The following TRIM33 variants were observed in gnomAD, a reference collection of about 807,000 sequenced individuals.
TRIM33 encodes tripartite motif containing 33.
In TRIM33, 20 loss-of-function variants were observed where a neutral mutation model predicts 125.4. The ratio of observed to expected loss-of-function variants is 0.16; its 90% CI spans 0.11 to 0.23. The LOEUF (loss-of-function observed/expected upper bound fraction) is 0.23, where lower values mean the gene tolerates loss of function less well. TRIM33 is among the 10% of genes least tolerant of loss of function. TRIM33 has a pLI of 1.00. For synonymous variants in TRIM33, 564 were observed against 513.9 expected (o/e 1.10, Z -1.32); for missense variants, 920 against 1,411.4 (o/e 0.65, Z 5.58).
chr1:114,434,050 A>C (rs1648129259), intron 4 of TRIM33, among the ~76,000 whole-genome samples: 1 of 152,244 alleles, frequency 6.6e-6, no homozygotes, highest in Admixed American at 6.5e-5. Context: ...TTTAAATCAT[A>C]AAGCGTAACC....
At chr1:114,439,098 T>C (rs1441844663) in intron 4 of TRIM33, among the ~76,000 whole-genome samples, 2 of 152,220 alleles carry the variant, frequency 1.3e-5, no homozygotes, top group Non-Finnish European at 2.9e-5. Context: ...TCACCTGATA[T>C]TTCAATTACC....
At chr1:114,500,154 G>T (rs768613292) in intron 1 of TRIM33, among the ~76,000 whole-genome samples, 1 of 152,196 alleles carries the variant, frequency 6.6e-6, no homozygotes, top group Admixed American at 6.5e-5. Context: ...GCAACAAAGT[G>T]AGACTCTGTC....
chr1:114,438,764 A>G (rs1428833636), intron 4 of TRIM33, among the ~76,000 whole-genome samples: 2 of 152,238 alleles, frequency 1.3e-5, no homozygotes, highest in Admixed American at 1.3e-4. Context: ...CAAAACACAC[A>G]AAGCAAAGCA....
At chr1:114,428,237 G>A (rs1040748142) in intron 6 of TRIM33, among the ~76,000 whole-genome samples, 2 of 152,162 alleles carry the variant, frequency 1.3e-5, no homozygotes, top group Non-Finnish European at 2.9e-5. Context: ...ATAAATTTAT[G>A]TAATCTTAAT....
chr1:114,409,901 G>A (rs1222099100), intron 12 of TRIM33, among the ~76,000 whole-genome samples: 1 of 152,038 alleles, frequency 6.6e-6, no homozygotes, highest in Non-Finnish European at 1.5e-5. Context: ...GAGAAGAGAA[G>A]ACGGAGCCCT....
chr1:114,413,573 AGAAAAG>A (rs1652726186), intron 11 of TRIM33, among the ~76,000 whole-genome samples: 2 of 121,406 alleles, frequency 1.6e-5, no homozygotes, highest in African/African-American at 3.4e-5. Flanking sequence ...AAAAAAAAAA[AGAAAAG>A]AAAAGAAAAA....
intron 4 of TRIM33, chr1:114,460,148 A>G: frequency 5.7e-6 from 1 of 174,304 alleles, no homozygotes; most frequent in Non-Finnish European, 1.3e-5. Flanking sequence ...AATTTAGTCG[A>G]AGTTTGAAAT....
In TRIM33 at chr1:114,428,271, TTG is replaced by T. The variant is rs374450918; in HGVS notation, c.1156-379_1156-378del. ...ATATACTTTAAAGGCCAAAAAAATT[TTG>T]TGTCACCAGTGCCACCTCCTGGTAT... On this transcript the variant is annotated intron_variant, in intron 6 of 19. Coordinates refer to ENST00000358465, the MANE Select transcript of TRIM33 (RefSeq NM_015906.4). Among the ~76,000 whole-genome samples the T allele has an allele frequency of 1.6e-4, 24 of 152,332 alleles. 1 individual carries two copies. Among genetic ancestry groups the T allele is most frequent in the Middle Eastern group, 3.4e-3 (1 of 294 alleles).
chr1:114,498,126 C>CAAAA lies in TRIM33; in HGVS notation c.526+12421_526+12424dup, dbSNP rs71090785. 1.5e-3 allele frequency among the ~76,000 whole-genome samples: 113 copies of CAAAA among 74,078 alleles called. 2 individuals carry two copies. In the Middle Eastern group the frequency reaches 0.022, roughly 14 times the overall value. 48.6% of individuals were successfully genotyped at this position (74,078 alleles called of 152,430 possible). ...TGGGCGACAGACTGAGACTCTGTCTCAAAAAAAAAAAAAAAAAAAAGTTAT... is the reference window on the plus strand; with the variant it reads ...TGGGCGACAGACTGAGACTCTGTCTCAAAAAAAAAAAAAAAAAAAAAAAAGTTAT... On this transcript the variant is annotated intron_variant, in intron 1 of 19. Coordinates refer to ENST00000358465, the MANE Select transcript of TRIM33 (RefSeq NM_015906.4).
intron 11 of TRIM33, among the ~76,000 whole-genome samples, chr1:114,417,079 A>T (rs1420066521): frequency 6.6e-6 from 1 of 152,240 alleles, no homozygotes; most frequent in Non-Finnish European, 1.5e-5. Context: ...TAAAACATGG[A>T]TAGACCTGGA....
At chr1:114,473,277 AT>A (rs1650767471) in intron 1 of TRIM33, among the ~76,000 whole-genome samples, 1 of 149,226 alleles carries the variant, frequency 6.7e-6, no homozygotes, top group Admixed American at 6.7e-5. Context: ...AAAAAAATTC[AT>A]TTTTTTTCCT....
At chr1:114,415,294 G>A (rs1340698948) in intron 11 of TRIM33, among the ~76,000 whole-genome samples, 15 of 151,994 alleles carry the variant, frequency 9.9e-5, no homozygotes. Flanking sequence ...CTGCACCCAG[G>A]TTTAAGAGAG....
chr1:114,423,557 TTTTC>T (rs377550750), intron 10 of TRIM33, among the ~76,000 whole-genome samples: 2 of 152,122 alleles, frequency 1.3e-5, no homozygotes, highest in African/African-American at 4.8e-5. Context: ...AGTATATATT[TTTTC>T]TTTCTTTTTT....
At position 114,421,571 on chromosome 1, in the gene TRIM33, T is replaced by C. The variant is rs762121078; in HGVS notation, c.1926A>G (p.Pro642=). 13 of 1,613,998 alleles carry C rather than the reference T, an allele frequency of 8.1e-6. No individual in the cohort carries two copies. The highest frequency in any genetic ancestry group is 1.7e-5 in the Admixed American group (1 of 59,992). Residue 642 remains proline (P), a synonymous_variant, in exon 11 of 20, where the codon CCA becomes CCG. Transcript: ENST00000358465. ...VVSVHNTTIN[P]TSPTTATMAN... The stretch of plus-strand genomic sequence containing the variant: ...CCATAGTTGCTGTAGTAGGGCTCGT[T>C]GGGTTGATTGTGGTGTTGTGTACCG...
chr1:114,505,429 C>T (rs974075026), intron 1 of TRIM33, among the ~76,000 whole-genome samples: 1 of 152,174 alleles, frequency 6.6e-6, no homozygotes, highest in Non-Finnish European at 1.5e-5. Flanking sequence ...GAAGACTCCT[C>T]AGAGTGGCTC....
chr1:114,440,598 A>G (rs1648592685), intron 4 of TRIM33, among the ~76,000 whole-genome samples: 1 of 152,152 alleles, frequency 6.6e-6, no homozygotes, highest in Non-Finnish European at 1.5e-5. Flanking sequence ...TTTTTTTGCT[A>G]TCTAAAAATA....
intron 1 of TRIM33, among the ~76,000 whole-genome samples, chr1:114,488,645 T>A (rs1179505166): frequency 2.0e-5 from 3 of 151,956 alleles, no homozygotes; most frequent in Admixed American, 6.6e-5. Context: ...GCGGCTGCAG[T>A]CCCAGCTACT....
intron 4 of TRIM33, among the ~76,000 whole-genome samples, chr1:114,449,763 G>C (rs1324561888): frequency 6.6e-6 from 1 of 152,142 alleles, no homozygotes; most frequent in African/African-American, 2.4e-5. Context: ...AATCGCTAAT[G>C]TTTCTCATGA....
At chr1:114,497,308 T>TC (rs954769935) in intron 1 of TRIM33, among the ~76,000 whole-genome samples, 4 of 152,218 alleles carry the variant, frequency 2.6e-5, no homozygotes, top group African/African-American at 7.2e-5. Context: ...AATTTTTTTT[T>TC]CTTTGAGATG....
Sources: gnomAD v4.1 joint callset for allele counts (sites outside exome capture counted in the v4.1 genomes callset) on GRCh38, gnomAD v4.1.1 for gene constraint, MANE v1.5 for transcripts, NCBI Gene and HGNC (gene_info 2026-07-23, HGNC 2026-07-21) for gene names.